The following CACNA2D1 variants were observed in gnomAD, a reference collection of about 807,000 sequenced individuals.
CACNA2D1 encodes the protein calcium voltage-gated channel auxiliary subunit alpha2delta 1.
Under a neutral mutation model 171.5 loss-of-function variants are expected in CACNA2D1, and 53 were observed. The observed-to-expected ratio is 0.31, with a 90% CI of 0.25 to 0.39. The LOEUF (loss-of-function observed/expected upper bound fraction) is 0.39. CACNA2D1 is among the 10% of genes least tolerant of loss of function. The pLI, the probability that CACNA2D1 is intolerant of heterozygous loss-of-function variation, is 1.00. For missense variants in CACNA2D1, 903 were observed against 1,299.8 expected, an observed-to-expected ratio of 0.69 and a Z score of 4.69; for synonymous variants, 442 against 443.1, an observed-to-expected ratio of 1.00 and a Z score of 0.03.
At chr7:82,111,364 G>T in intron 6 of CACNA2D1, among the ~76,000 whole-genome samples, 1 of 105,472 alleles carries the variant, frequency 9.5e-6, no homozygotes, top group Non-Finnish European at 2.0e-5. Context: ...GTGTATATAT[G>T]TATATATATA....
At chr7:81,951,973 T>TG (rs1025687277) in intron 38 of CACNA2D1, among the ~76,000 whole-genome samples, 11 of 147,738 alleles carry the variant, frequency 7.4e-5, no homozygotes, top group Admixed American at 6.1e-4. Flanking sequence ...CAAAGTGTTT[T>TG]TTTTTTTTTT....
At position 81,996,946 on chromosome 7, in the gene CACNA2D1, GAGAA is replaced by G. The variant is rs569397885; in HGVS notation, c.1662+229_1662+232del. Among the ~76,000 whole-genome samples, 242 of 152,170 alleles carry G rather than the reference GAGAA, an allele frequency of 1.6e-3. 5 individuals carry two copies. In the East Asian group the frequency reaches 0.018, roughly 11 times the overall value. On this transcript the variant is annotated intron_variant, in intron 19 of 38. Transcript: ENST00000356860. ...GTGAAAATATGTCTACCTTTAGGAA[GAGAA>G]AGAAGACTAAGGTCGAACCCAACTT... is the stretch of plus-strand genomic sequence containing the variant.
intron 3 of CACNA2D1, among the ~76,000 whole-genome samples, chr7:82,333,181 A>G (rs1030063036): frequency 6.6e-6 from 1 of 152,236 alleles, no homozygotes; most frequent in Non-Finnish European, 1.5e-5. Flanking sequence ...ATTCTTCTCA[A>G]TTTGGTCTGA....
At chr7:82,057,676 T>G (rs79396177) in intron 10 of CACNA2D1, among the ~76,000 whole-genome samples, 2,899 of 152,112 alleles carry the variant, frequency 0.019, 79 homozygotes, top group African/African-American at 0.061. Flanking sequence ...CGTTCAAGTA[T>G]GTCTGTGGTT....
chr7:82,160,176 G>A (rs1342843146), intron 4 of CACNA2D1, among the ~76,000 whole-genome samples: 1 of 151,760 alleles, frequency 6.6e-6, no homozygotes, highest in Non-Finnish European at 1.5e-5. Context: ...AGACAGTGAA[G>A]CAATGTCCCA....
chr7:82,441,358 A>C (rs900219749), intron 1 of CACNA2D1, among the ~76,000 whole-genome samples: 3 of 152,054 alleles, frequency 2.0e-5, no homozygotes. Context: ...TCGCTCCACA[A>C]AACCTTTTAT....
chr7:82,198,981 G>C (rs954114032), intron 3 of CACNA2D1, among the ~76,000 whole-genome samples: 4 of 152,072 alleles, frequency 2.6e-5, no homozygotes, highest in Non-Finnish European at 4.4e-5. Flanking sequence ...TTACAAGGAA[G>C]AATTTGGATT....
chr7:82,290,654 TGGCATGATCTC>T (rs1811406642), intron 3 of CACNA2D1, among the ~76,000 whole-genome samples: 1 of 150,710 alleles, frequency 6.6e-6, no homozygotes, highest in African/African-American at 2.4e-5. Context: ...TGGGGTGCAA[TGGCATGATCTC>T]GGCTCACCAC....
At chr7:81,989,234 G>GA (rs1797282609) in intron 21 of CACNA2D1, among the ~76,000 whole-genome samples, 1 of 152,212 alleles carries the variant, frequency 6.6e-6, no homozygotes, top group Non-Finnish European at 1.5e-5. Flanking sequence ...TCACAGAGCT[G>GA]ACGGTCAGTA....
At chr7:82,030,733 C>A (rs1456781801) in intron 12 of CACNA2D1, among the ~76,000 whole-genome samples, 1 of 151,752 alleles carries the variant, frequency 6.6e-6, no homozygotes, top group East Asian at 1.9e-4. Flanking sequence ...TTATATACTT[C>A]TATCACAAAA....
intron 1 of CACNA2D1, among the ~76,000 whole-genome samples, chr7:82,440,238 G>A (rs1040545784): frequency 2.0e-5 from 3 of 151,824 alleles, no homozygotes; most frequent in Non-Finnish European, 3.0e-5. Flanking sequence ...ATGTGACTGA[G>A]ATAAAAGTTT....
chr7:82,172,373 C>A (rs552750614), intron 3 of CACNA2D1, among the ~76,000 whole-genome samples: 26 of 152,002 alleles, frequency 1.7e-4, no homozygotes, highest in African/African-American at 5.1e-4. Flanking sequence ...GAAATGGAAG[C>A]AACTCTTCTA....
At chr7:82,297,071 C>CAAAAAAAAAA (rs1812375935) in intron 3 of CACNA2D1, among the ~76,000 whole-genome samples, 3 of 34,416 alleles carry the variant, frequency 8.7e-5, no homozygotes, top group African/African-American at 6.3e-4. Context: ...TCTGTGTCTA[C>CAAAAAAAAAA]CAAAAAAAAA....
At chr7:82,139,708 A>G (rs1356352540) in intron 4 of CACNA2D1, among the ~76,000 whole-genome samples, 1 of 151,956 alleles carries the variant, frequency 6.6e-6, no homozygotes, top group African/African-American at 2.4e-5. Flanking sequence ...TATATTAGTT[A>G]TAAAATTATA....
intron 1 of CACNA2D1, among the ~76,000 whole-genome samples, chr7:82,428,107 T>TAA (rs1300534454): frequency 7.9e-4 from 108 of 136,624 alleles, no homozygotes; most frequent in African/African-American, 3.2e-3. Flanking sequence ...AAAAAATAAA[T>TAA]AAAAAAAAAA....
intron 3 of CACNA2D1, among the ~76,000 whole-genome samples, chr7:82,294,258 A>G: frequency 6.6e-6 from 1 of 152,268 alleles, no homozygotes; most frequent in East Asian, 1.9e-4. Context: ...ATTGACAGTA[A>G]AAATAACTTG....
chr7:82,386,763 T>TAAAGAAATAAAG (rs149197941), intron 1 of CACNA2D1, among the ~76,000 whole-genome samples: 1 of 149,804 alleles, frequency 6.7e-6, no homozygotes, highest in Admixed American at 6.7e-5. Flanking sequence ...AATAAATAAA[T>TAAAGAAATAAAG]AAATAAATAA....
At chr7:82,419,668 T>C (rs571503490) in intron 1 of CACNA2D1, among the ~76,000 whole-genome samples, 35 of 152,288 alleles carry the variant, frequency 2.3e-4, no homozygotes, top group African/African-American at 7.5e-4. Flanking sequence ...TAATAGCATA[T>C]TCGTTATTGG....
intron 3 of CACNA2D1, among the ~76,000 whole-genome samples, chr7:82,181,041 ATTTTTTTTTTTT>A (rs71093367): frequency 4.6e-3 from 64 of 13,954 alleles, no homozygotes; most frequent in African/African-American, 0.01. Context: ...GGCATGTCGG[ATTTTTTTTTTTT>A]TTTTTTTTTT....
Sources: gnomAD v4.1 joint callset for allele counts (sites outside exome capture counted in the v4.1 genomes callset) on GRCh38, gnomAD v4.1.1 for gene constraint, MANE v1.5 for transcripts, NCBI Gene and HGNC (gene_info 2026-07-23, HGNC 2026-07-21) for gene names.